Variants in SLC9A9 observed in about 807,000 individuals in gnomAD.
The protein encoded by SLC9A9 is solute carrier family 9 member A9.
In SLC9A9, 62 loss-of-function variants were observed where a neutral mutation model predicts 77.8. That is an observed-to-expected ratio of 0.80 (90% CI 0.65 to 0.98). The LOEUF (loss-of-function observed/expected upper bound fraction) is 0.98, where lower values mean the gene tolerates loss of function less well. SLC9A9 is among the 50% of genes least tolerant of loss of function. The pLI, the probability that SLC9A9 is intolerant of heterozygous loss-of-function variation, is 0.00. For missense variants in SLC9A9, 775 were observed against 774.9 expected (o/e 1.00, Z 0.00); for synonymous variants, 320 against 283.5 (o/e 1.13, Z -1.29).
chr3:143,456,661 T>C (rs1576510647), intron 12 of SLC9A9, among the ~76,000 whole-genome samples: 2 of 151,720 alleles, frequency 1.3e-5, no homozygotes, highest in Non-Finnish European at 2.9e-5. Flanking sequence ...GCCTCCCAGG[T>C]TCAAGTTATT....
intron 4 of SLC9A9, among the ~76,000 whole-genome samples, chr3:143,787,273 G>A (rs956796719): frequency 1.3e-5 from 2 of 151,898 alleles, no homozygotes; most frequent in South Asian, 4.2e-4. Context: ...ATATATAGAC[G>A]ATATACACAA....
intron 8 of SLC9A9, 91 bp downstream of exon 8, chr3:143,573,997 A>G (rs929987082): frequency 1.8e-6 from 2 of 1,122,878 alleles, no homozygotes; most frequent in Admixed American, 3.7e-5. Flanking sequence ...GAGAGACTTC[A>G]TTTCACCTCC....
chr3:143,482,280 C>T (rs1437148942), intron 11 of SLC9A9, among the ~76,000 whole-genome samples: 1 of 152,134 alleles, frequency 6.6e-6, no homozygotes, highest in Non-Finnish European at 1.5e-5. Flanking sequence ...TAGTGCACAA[C>T]AAAATGAGTC....
At chr3:143,276,292 G>A (rs1008455574) in intron 14 of SLC9A9, among the ~76,000 whole-genome samples, 7 of 152,156 alleles carry the variant, frequency 4.6e-5, no homozygotes, top group East Asian at 1.9e-4. Context: ...AGGGAATACC[G>A]TTGACTAATC....
At chr3:143,274,222 C>T (rs767789089) in intron 14 of SLC9A9, among the ~76,000 whole-genome samples, 22 of 152,190 alleles carry the variant, frequency 1.4e-4, no homozygotes, top group Non-Finnish European at 2.4e-4. Context: ...CAGCACACAG[C>T]TGTGTGAAGA....
intron 5 of SLC9A9, chr3:143,655,747 G>A: frequency 5.9e-6 from 4 of 678,280 alleles, no homozygotes; most frequent in Non-Finnish European, 7.3e-6. Context: ...CATAATAGAG[G>A]AATGTGATAA....
At chr3:143,288,014 G>A (rs942572131) in intron 14 of SLC9A9, among the ~76,000 whole-genome samples, 2 of 152,120 alleles carry the variant, frequency 1.3e-5, no homozygotes, top group African/African-American at 2.4e-5. Context: ...ATTCAGAAAA[G>A]CTGAAGTGGA....
At chr3:143,454,909 T>G (rs978143707) in intron 12 of SLC9A9, among the ~76,000 whole-genome samples, 6 of 152,338 alleles carry the variant, frequency 3.9e-5, no homozygotes, top group African/African-American at 1.4e-4. Context: ...CAAATCCTCC[T>G]GAATGTATGA....
chr3:143,513,260 TA>T (rs2036146373), intron 9 of SLC9A9, among the ~76,000 whole-genome samples: 1 of 152,256 alleles, frequency 6.6e-6, no homozygotes, highest in Non-Finnish European at 1.5e-5. Flanking sequence ...TGTGATATTC[TA>T]AATCTTTTGT....
chr3:143,401,678 T>A (rs2033864663), intron 12 of SLC9A9, among the ~76,000 whole-genome samples: 1 of 152,174 alleles, frequency 6.6e-6, no homozygotes, highest in Non-Finnish European at 1.5e-5. Context: ...CAACTCGACA[T>A]AGACTGTTCC....
At chr3:143,406,978 G>GAAAAAAAAA (rs57344964) in intron 12 of SLC9A9, among the ~76,000 whole-genome samples, 2 of 69,382 alleles carry the variant, frequency 2.9e-5, no homozygotes, top group African/African-American at 5.9e-5. Flanking sequence ...TCCATCTCGA[G>GAAAAAAAAA]AAAAAAAAAA....
intron 4 of SLC9A9, among the ~76,000 whole-genome samples, chr3:143,746,164 A>G (rs914080627): frequency 2.6e-5 from 4 of 152,206 alleles, no homozygotes; most frequent in Admixed American, 6.5e-5. Flanking sequence ...GGAGGCAGAG[A>G]ATACATGCAT....
At chr3:143,692,155 A>G (rs1576662850) in intron 5 of SLC9A9, among the ~76,000 whole-genome samples, 1 of 151,990 alleles carries the variant, frequency 6.6e-6, no homozygotes. Flanking sequence ...AAGACAAATT[A>G]CCTCTTTTTT....
At chr3:143,347,851 G>A (rs2032335897) in intron 14 of SLC9A9, among the ~76,000 whole-genome samples, 1 of 151,928 alleles carries the variant, frequency 6.6e-6, no homozygotes, top group South Asian at 2.1e-4. Flanking sequence ...ATGATACGGG[G>A]GATGCCATTA....
intron 2 of SLC9A9, among the ~76,000 whole-genome samples, chr3:143,825,757 T>C (rs2009280146): frequency 6.6e-6 from 1 of 152,230 alleles, no homozygotes; most frequent in African/African-American, 2.4e-5. Flanking sequence ...TTTGACTTTT[T>C]GCATTACAGT....
intron 14 of SLC9A9, among the ~76,000 whole-genome samples, chr3:143,358,356 T>G (rs1251776558): frequency 6.6e-6 from 1 of 152,230 alleles, no homozygotes; most frequent in East Asian, 1.9e-4. Context: ...TCTGTTACTG[T>G]GTCAACTTGC....
At chr3:143,406,747 C>T (rs566384539) in intron 12 of SLC9A9, among the ~76,000 whole-genome samples, 10 of 152,018 alleles carry the variant, frequency 6.6e-5, no homozygotes, top group South Asian at 4.1e-4. Flanking sequence ...AGGCCAAGGC[C>T]GGGAGATCAC....
intron 5 of SLC9A9, among the ~76,000 whole-genome samples, chr3:143,659,222 A>C (rs2038943121): frequency 6.6e-6 from 1 of 152,192 alleles, no homozygotes; most frequent in Admixed American, 6.5e-5. Flanking sequence ...AGGCCTGTGG[A>C]GTAAAAAAGC....
intron 6 of SLC9A9, among the ~76,000 whole-genome samples, chr3:143,596,298 G>C (rs2037750737): frequency 6.6e-6 from 1 of 152,180 alleles, no homozygotes; most frequent in South Asian, 2.1e-4. Flanking sequence ...GTGTGTGTGT[G>C]TATGTGTGCG....
Sources: allele counts gnomAD v4.1 joint callset (sites outside exome capture counted in the v4.1 genomes callset), GRCh38; gene constraint gnomAD v4.1.1; transcripts MANE v1.5; gene names NCBI Gene and HGNC (gene_info 2026-07-23, HGNC 2026-07-21).